CSF1R: variants seen among roughly 807,000 people sequenced by gnomAD.
CSF1R encodes colony stimulating factor 1 receptor.
A neutral mutation model predicts 110.0 loss-of-function variants in CSF1R; 40 were observed. The observed-to-expected ratio is 0.36, with a 90% CI of 0.28 to 0.47. The LOEUF (loss-of-function observed/expected upper bound fraction) is 0.47. CSF1R is among the 20% of genes least tolerant of loss of function. The pLI is 0.99. For missense variants in CSF1R, 1,052 were observed against 1,253.0 expected (o/e 0.84, Z 2.42); for synonymous variants, 523 against 503.4 (o/e 1.04, Z -0.52).
upstream of CSF1R, among the ~76,000 whole-genome samples, chr5:150,091,373 G>C (rs952790582): frequency 1.3e-5 from 2 of 152,118 alleles, no homozygotes; most frequent in African/African-American, 4.8e-5. Flanking sequence ...GCCAAAAGGT[G>C]GAAACAGTTG....
chr5:150,102,720 T>A (rs1759444325), intron 1 of CSF1R, among the ~76,000 whole-genome samples: 1 of 152,234 alleles, frequency 6.6e-6, no homozygotes, highest in Non-Finnish European at 1.5e-5. Flanking sequence ...CCTCAAGTGA[T>A]CTGCATGCCT....
In CSF1R at chr5:150,054,302, C is replaced by T. The variant is rs1384042777; in HGVS notation, c.2763+20G>A. On this transcript the variant is annotated intron_variant, in intron 20 of 20. Coordinates refer to ENST00000675795, the MANE Select transcript of CSF1R (RefSeq NM_001288705.3). ...CAACGTGCTTTACCGGCCACCCACC[C>T]CAAGCCTCACCCCACTCACCCGCTC... 2 of 1,614,118 alleles carry T rather than the reference C, an allele frequency of 1.2e-6. No individual in the cohort carries two copies. The highest frequency in any genetic ancestry group is 1.1e-5 in the South Asian group (1 of 91,064).
rs777789969 is a variant in CSF1R, at chr5:150,080,916, G to A, written c.158C>T (p.Pro53Leu). Residue 53 changes from proline (P) to leucine (L), a missense_variant, in exon 2 of 21, where the codon CCC becomes CTC. By Grantham distance (98) the Pro-to-Leu change is moderately conservative. Transcript: ENST00000675795. Reference protein sequence around the residue: ...VGNGSVEWDGPPSPHWTLYSD... With the variant: ...VGNGSVEWDGLPSPHWTLYSD... ...GTACAGGGTCCAGTGAGGTGATGGG[G>A]GGCCATCCCATTCCACGCTGCCATT... 27 of 1,614,030 alleles carry A rather than the reference G, an allele frequency of 1.7e-5. No homozygotes were observed. The highest frequency in any genetic ancestry group is 2.3e-5 in the Non-Finnish European group (27 of 1,180,022).
rs370648666 is a variant in CSF1R at position 150,054,102 on chromosome 5, G to A, written c.2886C>T (p.Pro962=). ...TCCEQGDIAQ[P]LLQPNNYQFC is the part of the protein sequence containing the mutation. ...ACTGATAGTTGTTGGGCTGCAGCAA[G>A]GGCTGGGCGATATCCCCTTGCTCGC... Residue 962 remains proline (P), a synonymous_variant, in exon 21 of 21, where the codon CCC becomes CCT. Transcript: ENST00000675795. 2.5e-5 allele frequency: 40 copies of A among 1,614,056 alleles called. No homozygotes were observed. Among genetic ancestry groups the A allele is most frequent in the Non-Finnish European group, 3.4e-5 (40 of 1,180,046 alleles).
At chr5:150,113,291 T>TCCTCTA (rs1446873845) in exon 1 of CSF1R, 89 of 103,742 alleles carry the variant, frequency 8.6e-4, no homozygotes, top group Non-Finnish European at 1.3e-3. Flanking sequence ...CTTCCTCTCT[T>TCCTCTA]CCTCTTCCTC....
intron 1 of CSF1R, among the ~76,000 whole-genome samples, chr5:150,109,424 G>A (rs1265031520): frequency 1.3e-5 from 2 of 152,208 alleles, no homozygotes; most frequent in African/African-American, 4.8e-5. Context: ...GTGGGATGAT[G>A]GATTAGTAGA....
In CSF1R at chr5:150,073,309, G is replaced by A. The variant is rs1581311397; in HGVS notation, c.1074C>T (p.Asp358=). The A allele has an allele frequency of 3.7e-6, 6 of 1,613,722 alleles. No individual in the cohort carries two copies. The highest frequency in any genetic ancestry group is 1.1e-5 in the South Asian group (1 of 91,042). Reference sequence around the variant, plus strand: ...GAGCTGATAAGTGGTACCTGTATGTGTCCTTGGTGGTAGCATTAGCAAGCT... The same window carrying A: ...GAGCTGATAAGTGGTACCTGTATGTATCCTTGGTGGTAGCATTAGCAAGCT... ...EPKLANATTK[D]TYRHTFTLSL... Residue 358 remains aspartate (D), a synonymous_variant, in exon 6 of 21, where the codon GAC becomes GAT. Transcript: ENST00000675795.
At chr5:150,105,295 C>T (rs1759512911) in intron 1 of CSF1R, among the ~76,000 whole-genome samples, 1 of 141,222 alleles carries the variant, frequency 7.1e-6, no homozygotes, top group Admixed American at 7.1e-5. Flanking sequence ...TTGCAGTGAG[C>T]CAACATTGTG....
At chr5:150,056,810 C>A (rs1757238370) in intron 16 of CSF1R, among the ~76,000 whole-genome samples, 1 of 152,174 alleles carries the variant, frequency 6.6e-6, no homozygotes, top group African/African-American at 2.4e-5. Flanking sequence ...TGCTTAAAGT[C>A]ACGGAGCAGG....
At chr5:150,076,158 T>G (rs1192734285) in intron 5 of CSF1R, among the ~76,000 whole-genome samples, 1 of 152,110 alleles carries the variant, frequency 6.6e-6, no homozygotes, top group Non-Finnish European at 1.5e-5. Flanking sequence ...TCCTCATCCC[T>G]GCATCTCAGA....
At position 150,069,860 on chromosome 5, in the gene CSF1R, G is replaced by A; in HGVS notation, c.1510+13C>T. On this transcript the variant is annotated intron_variant, in intron 9 of 20. Coordinates refer to ENST00000675795, the MANE Select transcript of CSF1R (RefSeq NM_001288705.3). Reference sequence around the variant, plus strand: ...GGCGGGGGGGCGGTGCGGGTGCGAAGGCTCCCTCTCACCTGCAGAGATGGG... The same window carrying A: ...GGCGGGGGGGCGGTGCGGGTGCGAAAGCTCCCTCTCACCTGCAGAGATGGG... 6.3e-7 allele frequency: 1 copy of A among 1,593,500 alleles called. No individual in the cohort carries two copies. The highest frequency in any genetic ancestry group is 1.1e-5 in the South Asian group (1 of 89,514).
At chr5:150,054,458 G>A in intron 19 of CSF1R, 28 bp from the exon 20 acceptor site, 1 of 1,586,634 alleles carries the variant, frequency 6.3e-7, no homozygotes, top group Non-Finnish European at 8.6e-7. Context: ...GGATGCCCAT[G>A]GGCAGCTCCC....
At chr5:150,055,169 C>A in intron 19 of CSF1R, 68 bp downstream of exon 19, 1 of 1,389,378 alleles carries the variant, frequency 7.2e-7, no homozygotes, top group Non-Finnish European at 1.0e-6. Context: ...CAGGGCCACA[C>A]GGCCTTCCAT....
chr5:150,094,385 G>T (rs1581342487), intron 1 of CSF1R: 4 of 1,599,806 alleles, frequency 2.5e-6, no homozygotes, highest in Non-Finnish European at 3.4e-6. Context: ...TCGCAGAGCT[G>T]AAGATGAAGC....
intron 1 of CSF1R, among the ~76,000 whole-genome samples, chr5:150,112,869 T>C (rs1759767752): frequency 6.6e-6 from 1 of 152,166 alleles, no homozygotes; most frequent in Non-Finnish European, 1.5e-5. Context: ...CAGGGAGGCC[T>C]GTGGTTCCAA....
intron 1 of CSF1R, among the ~76,000 whole-genome samples, chr5:150,109,311 G>A (rs1759650497): frequency 6.6e-6 from 1 of 152,176 alleles, no homozygotes; most frequent in Non-Finnish European, 1.5e-5. Context: ...AGGATCCGAT[G>A]GGACCACTGG....
Position 150,073,469 on chromosome 5 carries a change from G to C in CSF1R, c.914C>G (p.Ser305Cys). ...VVESAYLNLSSEQNLIQEVTV... is the reference protein window; with the variant it reads ...VVESAYLNLSCEQNLIQEVTV... Reference sequence around the variant, plus strand: ...CACCTCCTGGATGAGGTTCTGCTCAGAGCTCAAGTTCAAGTAGGCACTCTC... The same window carrying C: ...CACCTCCTGGATGAGGTTCTGCTCACAGCTCAAGTTCAAGTAGGCACTCTC... The change falls in exon 6 of 21, where the codon TCT becomes TGT. Residue 305 changes from serine to cysteine, a missense_variant. Ser to Cys is a moderately radical substitution (Grantham distance 112). Coordinates refer to ENST00000675795, the MANE Select transcript of CSF1R (RefSeq NM_001288705.3). The C allele has an allele frequency of 6.2e-7, 1 of 1,613,824 alleles. No individual in the cohort carries two copies. Among genetic ancestry groups the C allele is most frequent in the Non-Finnish European group, 8.5e-7 (1 of 1,179,796 alleles).
rs913540446 is a variant in CSF1R, at chr5:150,078,199, C to T, written c.642G>A (p.Arg214=). Residue 214 remains arginine, a synonymous_variant, in exon 4 of 21, where the codon CGG becomes CGA. Transcript: ENST00000675795. The stretch of plus-strand genomic sequence containing the variant: ...CGATCTGGGCAGCCTCCCCTCGAAT[C>T]CGCACCAGCTCTGCAGGCACCAGTG... ...ALTLVPAELV[R]IRGEAAQIVC... is the part of the protein sequence containing the mutation. 19 of 1,614,022 alleles carry T rather than the reference C, an allele frequency of 1.2e-5. No individual in the cohort carries two copies. The highest frequency in any genetic ancestry group is 1.4e-5 in the Non-Finnish European group (16 of 1,180,020).
intron 1 of CSF1R, among the ~76,000 whole-genome samples, chr5:150,106,429 C>T (rs1759557393): frequency 6.6e-6 from 1 of 152,082 alleles, no homozygotes; most frequent in African/African-American, 2.4e-5. Context: ...CCCAGTTAAC[C>T]CCAACTGCAG....
Sources: allele counts gnomAD v4.1 joint callset (sites outside exome capture counted in the v4.1 genomes callset), GRCh38; gene constraint gnomAD v4.1.1; transcripts MANE v1.5; gene names NCBI Gene and HGNC (gene_info 2026-07-23, HGNC 2026-07-21).